Variants in OSBPL8 observed in about 807,000 individuals in gnomAD.
OSBPL8 encodes the protein oxysterol binding protein like 8, also known as oxysterol-binding protein-related protein 8.
A neutral mutation model predicts 125.5 loss-of-function variants in OSBPL8; 59 were observed. That is an observed-to-expected ratio of 0.47 (90% CI 0.38 to 0.58). The LOEUF is 0.58. Ranked by LOEUF, OSBPL8 falls within the 20% of genes least tolerant of loss-of-function variation. OSBPL8 has a pLI of 0.00. For missense variants in OSBPL8, 758 were observed against 1,047.8 expected (o/e 0.72, Z 3.82); for synonymous variants, 330 against 338.9 (o/e 0.97, Z 0.29).
intron 1 of OSBPL8, among the ~76,000 whole-genome samples, chr12:76,501,855 T>C (rs1879934730): frequency 6.6e-6 from 1 of 152,232 alleles, no homozygotes; most frequent in Non-Finnish European, 1.5e-5. Context: ...AGCATTTTGT[T>C]CCTACTTGAA....
At chr12:76,467,131 T>C (rs1440795897) in intron 2 of OSBPL8, among the ~76,000 whole-genome samples, 1 of 151,832 alleles carries the variant, frequency 6.6e-6, no homozygotes, top group Non-Finnish European at 1.5e-5. Context: ...TCTTTATGTA[T>C]GTATCAGTCT....
At chr12:76,408,787 C>G (rs1359029060) in intron 5 of OSBPL8, among the ~76,000 whole-genome samples, 1 of 152,042 alleles carries the variant, frequency 6.6e-6, no homozygotes, top group East Asian at 1.9e-4. Flanking sequence ...CTTGTGGGTT[C>G]CTCCCCGCCC....
intron 3 of OSBPL8, among the ~76,000 whole-genome samples, chr12:76,454,141 A>C (rs1252380721): frequency 6.6e-6 from 1 of 152,200 alleles, no homozygotes. Context: ...CTTCTTATAT[A>C]AAACTGAATA....
Position 76,499,350 on chromosome 12 carries a change from C to CT in OSBPL8, c.-67-11733_-67-11732insA, listed in dbSNP as rs71082312. Among the ~76,000 whole-genome samples the CT allele has an allele frequency of 8.8e-3, 943 of 107,524 alleles. 12 individuals carry two copies. The highest frequency in any genetic ancestry group is 0.022 in the African/African-American group (653 of 29,246). 70.5% of individuals were successfully genotyped at this position (107,524 alleles called of 152,430 possible). On this transcript the variant is annotated intron_variant, in intron 1 of 23. Coordinates refer to ENST00000261183, the MANE Select transcript of OSBPL8 (RefSeq NM_020841.5). ...TCTATCTATCTATCTATCTATCTAT[C>CT]ATCTATCTATCTATCTAATCTATCT...
intron 8 of OSBPL8, among the ~76,000 whole-genome samples, chr12:76,397,251 A>G (rs1339471622): frequency 1.3e-5 from 2 of 150,770 alleles, no homozygotes; most frequent in Non-Finnish European, 2.9e-5. Flanking sequence ...TAGGCTTTAC[A>G]TCACTACAGG....
At chr12:76,558,871 G>A (rs1846543067) in intron 1 of OSBPL8, among the ~76,000 whole-genome samples, 1 of 152,188 alleles carries the variant, frequency 6.6e-6, no homozygotes, top group East Asian at 1.9e-4. Flanking sequence ...GCAAAGGCTT[G>A]GCTTTCCTCC....
chr12:76,519,877 C>T (rs1172768267), intron 1 of OSBPL8, among the ~76,000 whole-genome samples: 11 of 152,168 alleles, frequency 7.2e-5, no homozygotes, highest in South Asian at 2.1e-4. Context: ...AATCTGCCCC[C>T]GTGATCCAAT....
At chr12:76,386,334 C>A in intron 13 of OSBPL8, 68 bp from the exon 14 acceptor site, 1 of 1,510,130 alleles carries the variant, frequency 6.6e-7, no homozygotes, top group South Asian at 1.3e-5. Flanking sequence ...TTAAACTAGT[C>A]AAAATGGGTT....
Position 76,374,106 on chromosome 12 carries a change from TAA to T in OSBPL8, c.1828-675_1828-674del, listed in dbSNP as rs772084387. On this transcript the variant is annotated intron_variant, in intron 17 of 23. Transcript: ENST00000261183. ...AAAAGACATTGCATCAAATAATACT[TAA>T]GAGGTCTTTTTTATCAGAGCAAAAT... 6.0e-3 allele frequency among the ~76,000 whole-genome samples: 921 copies of T among 152,270 alleles called. 11 individuals carry two copies. Among genetic ancestry groups the T allele is most frequent in the African/African-American group, 0.021 (878 of 41,562 alleles).
rs118031000 is a variant in OSBPL8, at chr12:76,512,602, T to C, written c.-67-24984A>G. Among the ~76,000 whole-genome samples the C allele has an allele frequency of 4.0e-3, 603 of 152,352 alleles. 2 individuals are homozygous for C. The highest frequency in any genetic ancestry group is 6.7e-3 in the Non-Finnish European group (458 of 68,030). ...TGTTACTGTAACCCTGTAGCGTAGT[T>C]TGAAGTCAGGTAACGTGATGCCTCC... On this transcript the variant is annotated intron_variant, in intron 1 of 23. Transcript: ENST00000261183.
At chr12:76,507,412 T>C (rs548528524) in intron 1 of OSBPL8, among the ~76,000 whole-genome samples, 10 of 151,870 alleles carry the variant, frequency 6.6e-5, no homozygotes, top group Admixed American at 5.2e-4. Context: ...GAATAGTGGC[T>C]TTCTCTTATG....
Position 76,463,904 on chromosome 12 carries a change from C to G in OSBPL8, c.43-4009G>C, listed in dbSNP as rs4539378. ...AACTGCACACTACTAATTTCTTATT[C>G]TTACCACTTCTAGGACCTGGGTCAA... On this transcript the variant is annotated intron_variant, in intron 2 of 23. Coordinates refer to ENST00000261183, the MANE Select transcript of OSBPL8 (RefSeq NM_020841.5). Among the ~76,000 whole-genome samples the G allele has an allele frequency of 2.2e-4, 33 of 152,342 alleles. 1 individual carries two copies. The East Asian group carries it at 6.4e-3, about 29-fold the overall frequency.
intron 6 of OSBPL8, 27 bp from the exon 7 acceptor site, chr12:76,400,001 T>C (rs373213412): frequency 1.4e-5 from 22 of 1,530,804 alleles, no homozygotes; most frequent in Non-Finnish European, 1.9e-5. Flanking sequence ...ATAGAAAAGA[T>C]AAAAACTCAA....
chr12:76,360,595 C>T (rs934392493), intron 21 of OSBPL8, among the ~76,000 whole-genome samples: 20 of 152,240 alleles, frequency 1.3e-4, no homozygotes, highest in Non-Finnish European at 2.8e-4. Flanking sequence ...CCAGATTTCC[C>T]TTCTGCACTG....
intron 21 of OSBPL8, among the ~76,000 whole-genome samples, chr12:76,360,581 G>A (rs149138609): frequency 0.014 from 2,145 of 152,294 alleles, 42 homozygotes; most frequent in African/African-American, 0.044. Flanking sequence ...GGGGGGCTCC[G>A]ACCCCAGATT....
chr12:76,457,107 C>G (rs913168672), intron 3 of OSBPL8, among the ~76,000 whole-genome samples: 3 of 152,122 alleles, frequency 2.0e-5, no homozygotes, highest in Non-Finnish European at 2.9e-5. Flanking sequence ...AAGCAATATG[C>G]AATTTACTGG....
chr12:76,404,531 C>T (rs1242615633), intron 5 of OSBPL8, among the ~76,000 whole-genome samples: 2 of 152,174 alleles, frequency 1.3e-5, no homozygotes, highest in African/African-American at 2.4e-5. Context: ...GCTTCCCCTA[C>T]CACCTTCTCC....
chr12:76,380,792 G>A (rs996870986), intron 15 of OSBPL8, among the ~76,000 whole-genome samples: 2 of 152,032 alleles, frequency 1.3e-5, no homozygotes, highest in Non-Finnish European at 2.9e-5. Context: ...TTGTATAGAA[G>A]TAATGAGAGT....
At chr12:76,371,391 G>T in intron 19 of OSBPL8, 57 bp downstream of exon 19, 1 of 1,477,706 alleles carries the variant, frequency 6.8e-7, no homozygotes, top group South Asian at 1.5e-5. Context: ...TATCATTAAG[G>T]AATTGAAAAA....
Sources: allele counts gnomAD v4.1 joint callset (sites outside exome capture counted in the v4.1 genomes callset), GRCh38; gene constraint gnomAD v4.1.1; transcripts MANE v1.5; gene names NCBI Gene and HGNC (gene_info 2026-07-23, HGNC 2026-07-21).